Variants in DAB1 observed in about 807,000 individuals in gnomAD.
The protein encoded by DAB1 is disabled homolog 1.
A neutral mutation model predicts 64.6 loss-of-function variants in DAB1; 15 were observed. The ratio of observed to expected loss-of-function variants is 0.23; its 90% CI spans 0.16 to 0.36. The LOEUF (loss-of-function observed/expected upper bound fraction) is 0.36. DAB1 is among the 10% of genes least tolerant of loss of function. The pLI, the probability that DAB1 is intolerant of heterozygous loss-of-function variation, is 1.00. For missense variants in DAB1, 596 were observed against 706.7 expected (o/e 0.84, Z 1.78); for synonymous variants, 235 against 251.9 (o/e 0.93, Z 0.64).
At chr1:57,452,159 A>T (rs7523826) in intron 7 of DAB1, among the ~76,000 whole-genome samples, 10,856 of 122,622 alleles carry the variant, frequency 0.089, 702 homozygotes, top group South Asian at 0.22. Context: ...CTCTCTCTGC[A>T]CCCCCCCTTT....
chr1:57,929,395 G>C (rs563252305), intron 5 of DAB1, among the ~76,000 whole-genome samples: 1 of 152,182 alleles, frequency 6.6e-6, no homozygotes, highest in African/African-American at 2.4e-5. Flanking sequence ...TCCATGTTTT[G>C]TTCTTGTTCT....
intron 5 of DAB1, among the ~76,000 whole-genome samples, chr1:58,139,665 A>G (rs1034713312): frequency 6.6e-6 from 1 of 152,192 alleles, no homozygotes; most frequent in Non-Finnish European, 1.5e-5. Context: ...AAACCGTATC[A>G]TTTACCGAGC....
At chr1:58,128,085 C>A (rs1367998690) in intron 5 of DAB1, among the ~76,000 whole-genome samples, 4 of 151,602 alleles carry the variant, frequency 2.6e-5, no homozygotes, top group Non-Finnish European at 5.9e-5. Flanking sequence ...TTCTTCCTAC[C>A]CATGAGCATG....
chr1:57,747,319 T>C (rs940729930), intron 6 of DAB1, among the ~76,000 whole-genome samples: 1 of 152,218 alleles, frequency 6.6e-6, no homozygotes, highest in African/African-American at 2.4e-5. Flanking sequence ...CTTTGTACCC[T>C]TATCCATAAC....
chr1:57,471,076 T>G (rs1301471589), intron 7 of DAB1, among the ~76,000 whole-genome samples: 2 of 152,168 alleles, frequency 1.3e-5, no homozygotes, highest in Non-Finnish European at 2.9e-5. Flanking sequence ...AGGCAAACAC[T>G]CATTTAATCA....
rs1018301759 is a variant in DAB1, at chr1:57,366,902, A to C, written c.-137+57028T>G. Among the ~76,000 whole-genome samples the C allele has an allele frequency of 3.3e-5, 5 of 151,886 alleles. No individual in the cohort carries two copies. In the South Asian group the frequency reaches 6.2e-4, roughly 19 times the overall value. On this transcript the variant is annotated intron_variant, in intron 1 of 14. Transcript: ENST00000371236. ...GGAAAGAATGAAGCCCAGGAATGTA[A>C]ACTGACTATATAAATCACACAAGGC...
At chr1:57,925,266 C>G (rs571575833) in intron 5 of DAB1, among the ~76,000 whole-genome samples, 2 of 152,136 alleles carry the variant, frequency 1.3e-5, no homozygotes, top group South Asian at 4.1e-4. Flanking sequence ...TTGTTCAGAC[C>G]TCTGGGGTAA....
In DAB1 at chr1:58,443,692, CTTAAAA is replaced by C. The variant is rs1645036798; in HGVS notation, n.257+62362_257+62367del. On this transcript the variant is annotated intron_variant and non_coding_transcript_variant, in intron 3 of 20. Coordinates refer to the DAB1 transcript ENST00000485760. ...CAATCTTTCTGCAAATCTAGATATT[CTTAAAA>C]TTAAAAGGTCACTTTATAAAGAGCA... Among the ~76,000 whole-genome samples, 4 of 152,132 alleles carry C rather than the reference CTTAAAA, an allele frequency of 2.6e-5. No homozygotes were observed. In the South Asian group the frequency reaches 8.3e-4, roughly 31 times the overall value.
At chr1:58,431,024 T>C (rs985139757) in intron 3 of DAB1, among the ~76,000 whole-genome samples, 1 of 152,166 alleles carries the variant, frequency 6.6e-6, no homozygotes, top group Admixed American at 6.5e-5. Context: ...CTATGACACA[T>C]AGTAATTTGT....
At chr1:57,318,542 G>C (rs1285567632) in intron 1 of DAB1, among the ~76,000 whole-genome samples, 1 of 151,946 alleles carries the variant, frequency 6.6e-6, no homozygotes, top group Non-Finnish European at 1.5e-5. Context: ...GTGTGCACTC[G>C]CTAGTTCCCT....
At chr1:57,123,912 C>T (rs1353231898) in intron 4 of DAB1, among the ~76,000 whole-genome samples, 2 of 152,168 alleles carry the variant, frequency 1.3e-5, no homozygotes, top group South Asian at 2.1e-4. Context: ...TGAGATTTCA[C>T]ATAATTTGCA....
intron 5 of DAB1, among the ~76,000 whole-genome samples, chr1:58,114,736 C>A (rs1395123481): frequency 5.3e-5 from 8 of 152,186 alleles, no homozygotes; most frequent in African/African-American, 1.9e-4. Flanking sequence ...GCAGACACTG[C>A]AAAGACTCTG....
rs1021327027 is a variant in DAB1, at chr1:58,104,749, T to G, written n.387+45762A>C. Among the ~76,000 whole-genome samples, 4 of 152,198 alleles carry G rather than the reference T, an allele frequency of 2.6e-5. No homozygotes were observed. In the South Asian group the frequency reaches 8.3e-4, roughly 32 times the overall value. Reference sequence around the variant, plus strand: ...TGTATGCACATTAAAATAAAGAAAATTAAATGAAAAATTAATAGGGCAGAC... The same window carrying G: ...TGTATGCACATTAAAATAAAGAAAAGTAAATGAAAAATTAATAGGGCAGAC... On this transcript the variant is annotated intron_variant and non_coding_transcript_variant, in intron 5 of 20. Transcript: ENST00000485760.
chr1:57,032,104 C>T (rs1424991522), intron 9 of DAB1, among the ~76,000 whole-genome samples: 2 of 152,090 alleles, frequency 1.3e-5, no homozygotes, highest in African/African-American at 4.8e-5. Flanking sequence ...CCAACTAGTT[C>T]ACTGCAACTA....
chr1:57,680,089 C>T (rs1026302766), intron 6 of DAB1, among the ~76,000 whole-genome samples: 2 of 152,158 alleles, frequency 1.3e-5, no homozygotes, highest in African/African-American at 4.8e-5. Flanking sequence ...CATGCAATTA[C>T]GGTCTTACAG....
intron 1 of DAB1, among the ~76,000 whole-genome samples, chr1:57,313,853 C>T (rs1183322021): frequency 1.1e-4 from 16 of 152,232 alleles, no homozygotes; most frequent in Admixed American, 1.0e-3. Context: ...GATTCATGTT[C>T]TTACAGGAAA....
chr1:57,546,758 A>G (rs1017782177), intron 7 of DAB1, among the ~76,000 whole-genome samples: 2 of 152,162 alleles, frequency 1.3e-5, no homozygotes, highest in Non-Finnish European at 1.5e-5. Context: ...GGTTTGTACA[A>G]CTACAGTCTA....
rs1028502154 is a variant in DAB1 at position 58,180,702 on chromosome 1, C to T, written n.310-30114G>A. 2.0e-5 allele frequency among the ~76,000 whole-genome samples: 3 copies of T among 152,230 alleles called. No homozygotes were observed. The South Asian group carries it at 6.2e-4, about 32-fold the overall frequency. ...GGTTTCATTCTTGTTCAGTATATTT[C>T]CTAATTTCCTCTGTGATTTATTAAC... is the stretch of plus-strand genomic sequence containing the variant. On this transcript the variant is annotated intron_variant and non_coding_transcript_variant, in intron 4 of 20. Transcript: ENST00000485760.
At chr1:57,165,867 A>G (rs1661171078) in intron 2 of DAB1, among the ~76,000 whole-genome samples, 1 of 152,228 alleles carries the variant, frequency 6.6e-6, no homozygotes, top group Non-Finnish European at 1.5e-5. Flanking sequence ...GTCTACTGGA[A>G]GAAACACAGG....
Sources: allele counts gnomAD v4.1 joint callset (sites outside exome capture counted in the v4.1 genomes callset), GRCh38; gene constraint gnomAD v4.1.1; transcripts MANE v1.5; gene names NCBI Gene and HGNC (gene_info 2026-07-23, HGNC 2026-07-21).